Variants in FREM1 observed in about 807,000 individuals in gnomAD.
The protein encoded by FREM1 is FRAS1-related extracellular matrix protein 1.
FREM1 carries 220 observed loss-of-function variants against 210.1 expected under a neutral mutation model. That is an observed-to-expected ratio of 1.05 (90% CI 0.94 to 1.17). The LOEUF (loss-of-function observed/expected upper bound fraction) is 1.17, where lower values mean the gene tolerates loss of function less well. Ranked by LOEUF, FREM1 falls within the 50% of genes most tolerant of loss-of-function variation. The pLI is 0.00. For synonymous variants in FREM1, 1,189 were observed against 980.2 expected (o/e 1.21, Z -3.98); for missense variants, 3,454 against 2,675.5 (o/e 1.29, Z -6.42).
In FREM1 at chr9:14,842,493, G is replaced by T. The variant is rs1825861618; in HGVS notation, c.1561C>A (p.Pro521Thr). 1.2e-6 allele frequency: 2 copies of T among 1,614,030 alleles called. No homozygotes were observed. Among genetic ancestry groups the T allele is most frequent in the African/African-American group, 1.3e-5 (1 of 75,048 alleles). ...ACAACATTGGTTATGAGGAACGGGG[G>T]ACTATCATCTTTGGGCAAGACGTTG... The part of the protein sequence containing the change: ...PINVLPKDDS[P>T]PFLITNVVIE... The change falls in exon 9 of 37, where the codon CCC becomes ACC. Residue 521 changes from proline (P) to threonine (T), a missense_variant. Coordinates refer to ENST00000380880, the MANE Select transcript of FREM1 (RefSeq NM_001379081.2).
At chr9:14,778,175 G>T (rs1563905811) in intron 24 of FREM1, among the ~76,000 whole-genome samples, 1 of 152,052 alleles carries the variant, frequency 6.6e-6, no homozygotes, top group South Asian at 2.1e-4. Flanking sequence ...ATTATAGATT[G>T]AGCAAAATCA....
Position 14,748,516 on chromosome 9 carries a change from C to T in FREM1, c.5681G>A (p.Arg1894Lys). 1 of 1,613,742 alleles carries T rather than the reference C, an allele frequency of 6.2e-7. No individual in the cohort carries two copies. The highest frequency in any genetic ancestry group is 8.5e-7 in the Non-Finnish European group (1 of 1,179,668). Residue 1894 changes from arginine to lysine, a missense_variant, in exon 31 of 37, where the codon AGA becomes AAA. Physicochemically the swap from Arg to Lys is conservative, Grantham distance 26. Transcript: ENST00000380880. ...CTGCATGGAAGATGGAAGAGGTCTT[C>T]TTTCCAGATGAAAGGAACCAGAAGT... The part of the protein sequence containing the change: ...STTSGSFHLE[R>K]RPLPSSMQLA...
intron 2 of FREM1, among the ~76,000 whole-genome samples, chr9:14,867,368 T>G (rs1466018367): frequency 1.3e-5 from 2 of 152,220 alleles, no homozygotes; most frequent in Non-Finnish European, 2.9e-5. Flanking sequence ...ACACTGCAAC[T>G]ACCAAACACT....
In FREM1 at chr9:14,886,871, A is replaced by C. The variant is rs565645756; in HGVS notation, c.-267-17627T>G. Reference sequence around the variant, plus strand: ...ACACTGCAGCCTGAGTGACAAAGTGAAGTGAGACAGTGAGACCTTGTTTCA... The same window carrying C: ...ACACTGCAGCCTGAGTGACAAAGTGCAGTGAGACAGTGAGACCTTGTTTCA... On this transcript the variant is annotated intron_variant, in intron 1 of 36. Coordinates refer to ENST00000380880, the MANE Select transcript of FREM1 (RefSeq NM_001379081.2). Among the ~76,000 whole-genome samples the C allele has an allele frequency of 2.6e-3, 377 of 146,390 alleles. 2 individuals carry two copies. The highest frequency in any genetic ancestry group is 3.2e-3 in the Non-Finnish European group (215 of 67,146).
At chr9:14,803,199 CCTCT>C (rs1297543464) in intron 19 of FREM1, among the ~76,000 whole-genome samples, 4 of 143,780 alleles carry the variant, frequency 2.8e-5, no homozygotes, top group African/African-American at 7.7e-5. Flanking sequence ...TTCCTCCCTC[CCTCT>C]TTCTTCTTTC....
chr9:14,861,098 A>ACATATATACATATATACACATATAC (rs1564105696), intron 3 of FREM1, among the ~76,000 whole-genome samples: 1 of 63,436 alleles, frequency 1.6e-5, no homozygotes, highest in Non-Finnish European at 2.7e-5. Flanking sequence ...CATATATATA[A>ACATATATACATATATACACATATAC]ACATATATAC....
intron 27 of FREM1, among the ~76,000 whole-genome samples, chr9:14,768,318 G>GTTTT (rs59443247): frequency 5.2e-5 from 7 of 134,146 alleles, no homozygotes; most frequent in African/African-American, 1.9e-4. Flanking sequence ...TTTGGAGCAG[G>GTTTT]TTTTTTTTTT....
At chr9:14,739,009 C>CAAAAAAAAA (rs386414499) in intron 36 of FREM1, among the ~76,000 whole-genome samples, 24 of 87,750 alleles carry the variant, frequency 2.7e-4, no homozygotes, top group African/African-American at 9.5e-4. Context: ...GATTCTGTCT[C>CAAAAAAAAA]AAAAAAAAAA....
intron 15 of FREM1, 149 bp from the exon 16 acceptor site, chr9:14,813,213 G>C (rs1358157438): frequency 2.5e-6 from 2 of 805,802 alleles, no homozygotes; most frequent in East Asian, 2.7e-5. Context: ...CAAGTAATCT[G>C]TGTCTTTTAA....
At chr9:14,776,338 C>A (rs915847736) in intron 24 of FREM1, 135 bp from the exon 25 acceptor site, 22 of 1,021,034 alleles carry the variant, frequency 2.2e-5, no homozygotes, top group Non-Finnish European at 2.7e-5. Flanking sequence ...AAGGGCAGAT[C>A]TTGCAGAAAA....
rs946808822 is a variant in FREM1 at position 14,873,951 on chromosome 9, G to A, written c.-267-4707C>T. ...CCCAGTAGTCATTCAGGAGCAGGTT[G>A]TTCAGTTTCCATGTAGTTGAGTGGT... On this transcript the variant is annotated intron_variant, in intron 1 of 36. Transcript: ENST00000380880. 6.6e-5 allele frequency among the ~76,000 whole-genome samples: 10 copies of A among 152,228 alleles called. No homozygotes were observed. In the Middle Eastern group the frequency reaches 0.01, roughly 155 times the overall value.
intron 3 of FREM1, among the ~76,000 whole-genome samples, chr9:14,861,048 T>C (rs377395662): frequency 0.014 from 1,031 of 75,148 alleles, 132 homozygotes; most frequent in African/African-American, 0.064. Flanking sequence ...CATATATACA[T>C]ATATACATAT....
chr9:14,738,527 T>C (rs1330092343), intron 36 of FREM1, among the ~76,000 whole-genome samples: 6 of 152,132 alleles, frequency 3.9e-5, no homozygotes, highest in Admixed American at 3.9e-4. Context: ...AGAGAAAACT[T>C]ATCCTCCAGC....
At chr9:14,801,284 C>T (rs1817238091) in intron 20 of FREM1, among the ~76,000 whole-genome samples, 1 of 152,216 alleles carries the variant, frequency 6.6e-6, no homozygotes, top group Admixed American at 6.5e-5. Flanking sequence ...AGGCGTGAGC[C>T]ACCAGGCCCG....
At position 14,806,860 on chromosome 9, in the gene FREM1, A is replaced by C. The variant is rs748194721; in HGVS notation, c.3089-14T>G. 1.9e-6 allele frequency: 3 copies of C among 1,542,842 alleles called. No homozygotes were observed. Among genetic ancestry groups the C allele is most frequent in the East Asian group, 4.5e-5 (2 of 43,964 alleles). On this transcript the variant is annotated splice_polypyrimidine_tract_variant and intron_variant, in intron 17 of 36. Coordinates refer to ENST00000380880, the MANE Select transcript of FREM1 (RefSeq NM_001379081.2). ...CAAACACGGGACCTGCATACAAATA[A>C]AAACACAATTACAACTTAGCATGAA... is the stretch of plus-strand genomic sequence containing the variant.
intron 35 of FREM1, among the ~76,000 whole-genome samples, chr9:14,744,768 G>A (rs955539254): frequency 3.9e-5 from 6 of 152,086 alleles, no homozygotes; most frequent in African/African-American, 1.2e-4. Flanking sequence ...CCTAGGAGTA[G>A]AATATGTTAG....
intron 22 of FREM1, among the ~76,000 whole-genome samples, chr9:14,791,895 C>G (rs996117080): frequency 2.6e-5 from 4 of 152,062 alleles, no homozygotes; most frequent in Admixed American, 1.3e-4. Context: ...TGCAGCAGCA[C>G]AATCTCAGCT....
At chr9:14,785,449 T>C (rs192211058) in intron 23 of FREM1, among the ~76,000 whole-genome samples, 272 of 152,342 alleles carry the variant, frequency 1.8e-3, no homozygotes, top group Non-Finnish European at 3.3e-3. Context: ...GTTGCACAAA[T>C]GTTCATGATA....
rs1209143848 is a variant in FREM1 at position 14,792,839 on chromosome 9, G to A, written c.3885C>T (p.Ser1295=). ...CATCTATGGCTGAAAGAATAGCACT[G>A]GAAATAATACGAGTTTCACCCATAT... ...AMNMGETRII[S]SAILSAIDED... is the part of the protein sequence containing the mutation. The change falls in exon 22 of 37, where the codon TCC becomes TCT. Residue 1295 remains serine (S), a synonymous_variant. Coordinates refer to ENST00000380880, the MANE Select transcript of FREM1 (RefSeq NM_001379081.2). The A allele has an allele frequency of 1.8e-5, 28 of 1,598,306 alleles. No homozygotes were observed. The highest frequency in any genetic ancestry group is 2.4e-5 in the Non-Finnish European group (28 of 1,170,864).
Sources: allele counts gnomAD v4.1 joint callset (sites outside exome capture counted in the v4.1 genomes callset), GRCh38; gene constraint gnomAD v4.1.1; transcripts MANE v1.5; gene names NCBI Gene and HGNC (gene_info 2026-07-23, HGNC 2026-07-21).